Variants in SPIRE1 observed in about 807,000 individuals in gnomAD.
SPIRE1 encodes protein spire homolog 1.
Under a neutral mutation model 94.1 loss-of-function variants are expected in SPIRE1, and 40 were observed. The ratio of observed to expected loss-of-function variants is 0.43; its 90% CI spans 0.33 to 0.55. SPIRE1 has a LOEUF of 0.55. Ranked by LOEUF, SPIRE1 falls within the 20% of genes least tolerant of loss-of-function variation. The pLI is 0.06. For synonymous variants in SPIRE1, 376 were observed against 371.7 expected, an observed-to-expected ratio of 1.01 and a Z score of -0.13; for missense variants, 838 against 975.2, an observed-to-expected ratio of 0.86 and a Z score of 1.87.
chr18:12,552,564 G>A (rs2035382029), intron 2 of SPIRE1, among the ~76,000 whole-genome samples: 1 of 152,046 alleles, frequency 6.6e-6, no homozygotes, highest in African/African-American at 2.4e-5. Context: ...TCCACAAGCA[G>A]ACAGCCCGGC....
At chr18:12,536,220 T>C (rs539732099) in intron 3 of SPIRE1, among the ~76,000 whole-genome samples, 1 of 152,356 alleles carries the variant, frequency 6.6e-6, no homozygotes, top group African/African-American at 2.4e-5. Context: ...GTTTATTGTA[T>C]ACTGATGACG....
At chr18:12,641,980 C>A (rs1468172122) in intron 1 of SPIRE1, among the ~76,000 whole-genome samples, 2 of 151,636 alleles carry the variant, frequency 1.3e-5, no homozygotes, top group African/African-American at 2.4e-5. Context: ...TACAGGCACG[C>A]ACCACCACGC....
Position 12,557,099 on chromosome 18 carries a change from G to A in SPIRE1, c.373-10195C>T, listed in dbSNP as rs116903003. On this transcript the variant is annotated intron_variant, in intron 2 of 16. Coordinates refer to ENST00000409402, the MANE Select transcript of SPIRE1 (RefSeq NM_001128626.2). ...GCTGGCTTCACCTAGTGGATCCCGC[G>A]TTGGGGCTGCGGGTGGAGCTGCCCA... Among the ~76,000 whole-genome samples, 407 of 152,354 alleles carry A rather than the reference G, an allele frequency of 2.7e-3. 7 individuals carry two copies. The highest frequency in any genetic ancestry group is 0.022 in the East Asian group (115 of 5,176).
chr18:12,474,717 G>T (rs2032493301), intron 10 of SPIRE1, among the ~76,000 whole-genome samples: 1 of 152,106 alleles, frequency 6.6e-6, no homozygotes, highest in South Asian at 2.1e-4. Context: ...AGCTACTCGG[G>T]AGGCTGAAGC....
At chr18:12,653,729 C>A (rs1352322701) in intron 1 of SPIRE1, among the ~76,000 whole-genome samples, 1 of 152,116 alleles carries the variant, frequency 6.6e-6, no homozygotes, top group Non-Finnish European at 1.5e-5. Context: ...TGGTGGATCA[C>A]TGAGGTCGGG....
intron 4 of SPIRE1, among the ~76,000 whole-genome samples, chr18:12,525,746 T>C (rs2034502505): frequency 6.6e-6 from 1 of 152,160 alleles, no homozygotes; most frequent in Non-Finnish European, 1.5e-5. Flanking sequence ...ATTTCTGTTT[T>C]AAAGCAAAAA....
intron 12 of SPIRE1, among the ~76,000 whole-genome samples, chr18:12,458,644 A>G (rs1012853856): frequency 6.6e-6 from 1 of 152,092 alleles, no homozygotes; most frequent in African/African-American, 2.4e-5. Context: ...AACAAAACTC[A>G]AAGTGAATCC....
rs193086855 is a variant in SPIRE1 at position 12,471,866 on chromosome 18, C to A, written c.1405-6908G>T. The stretch of plus-strand genomic sequence containing the variant: ...ATGACACAATCTCGGCTCACTGCAA[C>A]CTCCGCCTCTGGAGTTCAAGTGATT... On this transcript the variant is annotated intron_variant, in intron 10 of 16. Transcript: ENST00000409402. 2.0e-5 allele frequency among the ~76,000 whole-genome samples: 3 copies of A among 152,098 alleles called. No homozygotes were observed. In the East Asian group the frequency reaches 5.8e-4, roughly 30 times the overall value.
chr18:12,635,086 TC>T lies in SPIRE1; in HGVS notation c.347del (p.Gly116AspfsTer26). 1 of 1,431,578 alleles carries T rather than the reference TC, an allele frequency of 7.0e-7. No individual in the cohort carries two copies. The highest frequency in any genetic ancestry group is 9.6e-7 in the Non-Finnish European group (1 of 1,046,246). 88.7% of individuals were successfully genotyped at this position (1,431,578 alleles called of 1,614,324 possible). ...GEPPPVAGKLGYSQCMETEVI... is the reference protein window; with the variant it reads ...GEPPPVAGKLXYSQCMETEVI... ...CCTCTGTTTCCATACATTGTGAATA[TC>T]CCAATTTACCTGTAATAAAAATGAA... is the stretch of plus-strand genomic sequence containing the variant. On this transcript the variant is annotated frameshift_variant, in exon 2 of 17. Transcript: ENST00000409402. LOFTEE classifies it high-confidence loss of function.
chr18:12,523,673 A>AT (rs1338145535), intron 4 of SPIRE1, among the ~76,000 whole-genome samples: 1 of 152,126 alleles, frequency 6.6e-6, no homozygotes, highest in Admixed American at 6.6e-5. Context: ...TTGTAGCAAT[A>AT]AAGTATTTTT....
intron 5 of SPIRE1, among the ~76,000 whole-genome samples, chr18:12,509,888 C>T (rs1785298): frequency 0.58 from 88,287 of 151,540 alleles, 26,245 homozygotes; most frequent in African/African-American, 0.71. Flanking sequence ...AGTACGAGAT[C>T]AGCCTGACCA....
intron 1 of SPIRE1, among the ~76,000 whole-genome samples, chr18:12,641,285 A>G (rs1001974774): frequency 6.6e-6 from 1 of 151,354 alleles, no homozygotes; most frequent in Non-Finnish European, 1.5e-5. Flanking sequence ...TATTACTAGG[A>G]AAAAAAACCC....
At chr18:12,471,510 G>A (rs2032359307) in intron 10 of SPIRE1, among the ~76,000 whole-genome samples, 1 of 151,694 alleles carries the variant, frequency 6.6e-6, no homozygotes, top group Non-Finnish European at 1.5e-5. Flanking sequence ...TTTTAGTACA[G>A]ATGGGGTTTC....
Position 12,452,145 on chromosome 18 carries a change from C to T in SPIRE1, c.2012+110G>A, listed in dbSNP as rs146525260. The T allele has an allele frequency of 5.3e-5, 72 of 1,361,382 alleles. No individual in the cohort carries two copies. In the African/African-American group the frequency reaches 9.8e-4, roughly 18 times the overall value. 84.3% of individuals were successfully genotyped at this position (1,361,382 alleles called of 1,614,324 possible). A position where few individuals can be genotyped will look rare whatever the true frequency, so the allele number is the denominator to read the frequency against. ...GTAAAACTGTATTAAAACCAACCAACAAACCAATAAAAACCCCTCGAGCCA... is the reference window on the plus strand; with the variant it reads ...GTAAAACTGTATTAAAACCAACCAATAAACCAATAAAAACCCCTCGAGCCA... On this transcript the variant is annotated intron_variant, in intron 16 of 16. Coordinates refer to ENST00000409402, the MANE Select transcript of SPIRE1 (RefSeq NM_001128626.2).
intron 4 of SPIRE1, among the ~76,000 whole-genome samples, chr18:12,516,771 C>T (rs2144065362): frequency 6.6e-6 from 1 of 152,256 alleles, no homozygotes; most frequent in Non-Finnish European, 1.5e-5. Flanking sequence ...CAATGCCCCC[C>T]AAAACAGGGC....
intron 2 of SPIRE1, among the ~76,000 whole-genome samples, chr18:12,579,141 C>G (rs1443734945): frequency 6.7e-6 from 1 of 150,090 alleles, no homozygotes; most frequent in Admixed American, 6.7e-5. Context: ...AAATCTGAAC[C>G]AAGCTATGAA....
At chr18:12,456,703 C>T (rs560421682) in intron 12 of SPIRE1, among the ~76,000 whole-genome samples, 4 of 152,254 alleles carry the variant, frequency 2.6e-5, no homozygotes, top group Admixed American at 2.6e-4. Flanking sequence ...TGTAGGGATA[C>T]GCTAGCATGG....
chr18:12,461,045 T>C (rs2031773994), intron 12 of SPIRE1, among the ~76,000 whole-genome samples: 1 of 152,024 alleles, frequency 6.6e-6, no homozygotes, highest in Admixed American at 6.6e-5. Context: ...TCCTCAGTGA[T>C]TGCAAGTTAG....
chr18:12,456,289 AGT>A (rs1266705316), intron 12 of SPIRE1, among the ~76,000 whole-genome samples: 1 of 152,228 alleles, frequency 6.6e-6, no homozygotes. Context: ...GAAAAAGAGT[AGT>A]GTTAGGTGGG....
Sources: gnomAD v4.1 joint callset for allele counts (sites outside exome capture counted in the v4.1 genomes callset) on GRCh38, gnomAD v4.1.1 for gene constraint, MANE v1.5 for transcripts, NCBI Gene and HGNC (gene_info 2026-07-23, HGNC 2026-07-21) for gene names.